SLC14A2: variants seen among roughly 807,000 people sequenced by gnomAD.
SLC14A2 encodes the protein urea transporter 2.
Under a neutral mutation model 104.6 loss-of-function variants are expected in SLC14A2, and 91 were observed. The ratio of observed to expected loss-of-function variants is 0.87; its 90% CI spans 0.73 to 1.04. The LOEUF (loss-of-function observed/expected upper bound fraction) is 1.04. Ranked by LOEUF, SLC14A2 falls within the 50% of genes least tolerant of loss-of-function variation. SLC14A2 has a pLI of 0.00. For synonymous variants in SLC14A2, 476 were observed against 466.4 expected (o/e 1.02, Z -0.27); for missense variants, 1,189 against 1,156.0 (o/e 1.03, Z -0.41).
In SLC14A2 at chr18:45,683,539, C is replaced by A. The variant is rs934168250; in HGVS notation, c.*1020C>A. On this transcript the variant is annotated 3_prime_UTR_variant, in exon 20 of 20. Transcript: ENST00000255226. ...TAGGAACCTAAATTCACTGAAAATG[C>A]CAATGTGCTTTCCTTTACATTACAG... 1 of 152,168 alleles carries A rather than the reference C, an allele frequency of 6.6e-6. No homozygotes were observed. The highest frequency in any genetic ancestry group is 1.5e-5 in the Non-Finnish European group (1 of 68,036). 9.4% of individuals were successfully genotyped at this position (152,168 alleles called of 1,614,324 possible). A position where few individuals can be genotyped will look rare whatever the true frequency, so the allele number is the denominator to read the frequency against.
At chr18:45,326,898 G>C (rs931964744) in intron 1 of SLC14A2, among the ~76,000 whole-genome samples, 34 of 152,198 alleles carry the variant, frequency 2.2e-4, no homozygotes, top group Non-Finnish European at 1.5e-5. Context: ...TGAGGATGGA[G>C]AGCAGGAACA....
At chr18:45,199,083 G>A in the SLC14A2 span, among the ~76,000 whole-genome samples, 1 of 152,064 alleles carries the variant, frequency 6.6e-6, no homozygotes, top group African/African-American at 2.4e-5. Context: ...TACTCTTGAA[G>A]GCATAAAATT....
At chr18:45,437,492 C>T (rs1598812913) in intron 1 of SLC14A2, among the ~76,000 whole-genome samples, 1 of 152,196 alleles carries the variant, frequency 6.6e-6, no homozygotes, top group Non-Finnish European at 1.5e-5. Flanking sequence ...CAGAGCCCCA[C>T]CTCCTTCAAG....
intron 2 of SLC14A2, 103 bp downstream of exon 2, chr18:45,624,917 G>A: frequency 8.3e-7 from 1 of 1,202,622 alleles, no homozygotes. Context: ...TTAGCACACT[G>A]AGGAAGTGCC....
chr18:45,522,287 A>G (rs558772926), intron 2 of SLC14A2, among the ~76,000 whole-genome samples: 1 of 152,340 alleles, frequency 6.6e-6, no homozygotes, highest in African/African-American at 2.4e-5. Context: ...CTTGCTATCC[A>G]AAACAGCTAA....
chr18:45,679,717 G>A (rs2046284758), intron 19 of SLC14A2, among the ~76,000 whole-genome samples: 1 of 152,228 alleles, frequency 6.6e-6, no homozygotes, highest in African/African-American at 2.4e-5. Context: ...CACCTGCCTA[G>A]ATCTCTCCCT....
chr18:45,632,258 A>G, intron 4 of SLC14A2, 92 bp from the exon 5 acceptor site: 2 of 1,471,062 alleles, frequency 1.4e-6, no homozygotes, highest in Non-Finnish European at 1.8e-6. Flanking sequence ...TAAAGGAATC[A>G]TCTAAATTAA....
chr18:45,459,474 C>A (rs374993170), intron 1 of SLC14A2, among the ~76,000 whole-genome samples: 1 of 152,232 alleles, frequency 6.6e-6, no homozygotes, highest in Non-Finnish European at 1.5e-5. Context: ...GTCATACAAA[C>A]GTCCAGTGTG....
intron 1 of SLC14A2, among the ~76,000 whole-genome samples, chr18:45,228,609 T>A (rs770063133): frequency 2.0e-5 from 3 of 152,128 alleles, no homozygotes; most frequent in South Asian, 2.1e-4. Context: ...CCTTCCCCCT[T>A]CTCTTCTTAG....
intron 2 of SLC14A2, among the ~76,000 whole-genome samples, chr18:45,574,916 A>AT (rs2044398157): frequency 6.6e-6 from 1 of 152,156 alleles, no homozygotes; most frequent in Non-Finnish European, 1.5e-5. Context: ...CCTCCTATAA[A>AT]TAGCCACCAC....
intron 1 of SLC14A2, among the ~76,000 whole-genome samples, chr18:45,423,396 C>T (rs1318914366): frequency 6.6e-6 from 1 of 152,206 alleles, no homozygotes; most frequent in African/African-American, 2.4e-5. Context: ...GAGCCCTTTG[C>T]TCAGGACCCC....
At chr18:45,349,063 C>G (rs904699898) in intron 1 of SLC14A2, among the ~76,000 whole-genome samples, 6 of 152,184 alleles carry the variant, frequency 3.9e-5, no homozygotes, top group Non-Finnish European at 7.3e-5. Context: ...TTCATGACAG[C>G]CTGCGACAGT....
intron 2 of SLC14A2, among the ~76,000 whole-genome samples, chr18:45,549,501 G>A (rs1236067091): frequency 6.6e-6 from 1 of 152,212 alleles, no homozygotes; most frequent in Non-Finnish European, 1.5e-5. Flanking sequence ...CGTGAAAAGG[G>A]AGAGGGAGGG....
rs2046177261 is a variant in SLC14A2, at chr18:45,673,591, T to TAA, written c.2378-92_2378-91insAA. 3.6e-6 allele frequency: 5 copies of TAA among 1,407,428 alleles called. No homozygotes were observed. In the South Asian group the frequency reaches 6.6e-5, roughly 19 times the overall value. 87.2% of individuals were successfully genotyped at this position (1,407,428 alleles called of 1,614,324 possible). ...ATAACTACCTAAGAAGATAACTGGC[T>TAA]CCGGGCTTTGAGGACTGTGGTAGGT... On this transcript the variant is annotated intron_variant, in intron 17 of 19. Transcript: ENST00000255226.
At chr18:45,408,720 C>G (rs999450856) in intron 1 of SLC14A2, among the ~76,000 whole-genome samples, 1 of 151,858 alleles carries the variant, frequency 6.6e-6, no homozygotes, top group African/African-American at 2.4e-5. Context: ...GAAACTACAT[C>G]GTGAAAATTC....
chr18:45,675,670 A>G (rs1451051603), intron 18 of SLC14A2, among the ~76,000 whole-genome samples: 2 of 141,510 alleles, frequency 1.4e-5, no homozygotes, highest in African/African-American at 5.4e-5. Context: ...ATGCACCACC[A>G]TGCCCAGCTA....
intron 2 of SLC14A2, among the ~76,000 whole-genome samples, chr18:45,597,590 A>AG (rs961282632): frequency 6.6e-6 from 1 of 152,290 alleles, no homozygotes; most frequent in Non-Finnish European, 1.5e-5. Context: ...AAGTGGCCAG[A>AG]GGGCAGGTCA....
intron 1 of SLC14A2, among the ~76,000 whole-genome samples, chr18:45,331,662 G>A: frequency 6.6e-6 from 1 of 150,896 alleles, no homozygotes. Flanking sequence ...CTGCACTCCA[G>A]CCTGGGTGAC....
intron 2 of SLC14A2, among the ~76,000 whole-genome samples, chr18:45,509,929 C>T (rs1029112913): frequency 1.3e-5 from 2 of 152,166 alleles, no homozygotes; most frequent in Non-Finnish European, 2.9e-5. Flanking sequence ...TGGAGAGGAT[C>T]CCATCCATCC....
Sources: gnomAD v4.1 joint callset for allele counts (sites outside exome capture counted in the v4.1 genomes callset) on GRCh38, gnomAD v4.1.1 for gene constraint, MANE v1.5 for transcripts, NCBI Gene and HGNC (gene_info 2026-07-23, HGNC 2026-07-21) for gene names.